Variants in TRAK1 observed in about 807,000 individuals in gnomAD.
TRAK1 encodes the protein trafficking kinesin protein 1.
In TRAK1, 33 loss-of-function variants were observed where a neutral mutation model predicts 92.1. The ratio of observed to expected loss-of-function variants is 0.36; its 90% CI spans 0.27 to 0.48. The LOEUF (loss-of-function observed/expected upper bound fraction) is 0.48, where lower values mean the gene tolerates loss of function less well. Among genes scored for constraint, TRAK1 ranks in the 20% least tolerant of loss-of-function variants. The pLI, the probability that TRAK1 is intolerant of heterozygous loss-of-function variation, is 0.99. For synonymous variants in TRAK1, 521 were observed against 517.3 expected (o/e 1.01, Z -0.10); for missense variants, 1,123 against 1,257.9 (o/e 0.89, Z 1.62).
Position 42,194,912 on chromosome 3 carries a change from C to T in TRAK1, c.1084C>T (p.Arg362Cys), listed in dbSNP as rs776292575. The change falls in exon 10 of 16, where the codon CGC becomes TGC. Residue 362 changes from arginine to cysteine, a missense_variant. Around this residue, in one of 3 missense-constraint regions of TRAK1, gnomAD observed 686 missense variants for 747.6 expected, o/e 0.92. Transcript: ENST00000327628. ...AACCATGCCCAATACCACGTCTCGG[C>T]GCTACCACTCACTGGGCCTGTTTCC... ...NKTMPNTTSRRYHSLGLFPMD... is the reference protein window; with the variant it reads ...NKTMPNTTSRCYHSLGLFPMD... 5.6e-6 allele frequency: 9 copies of T among 1,613,728 alleles called. No individual in the cohort carries two copies. Among genetic ancestry groups the T allele is most frequent in the East Asian group, 2.2e-5 (1 of 44,860 alleles).
chr3:42,190,514 C>A (rs1395205464), intron 6 of TRAK1, among the ~76,000 whole-genome samples: 1 of 152,146 alleles, frequency 6.6e-6, no homozygotes, highest in African/African-American at 2.4e-5. Flanking sequence ...AGGCAACAGC[C>A]CTGTGCTCCC....
rs369716330 is a variant in TRAK1, at chr3:42,184,730, T to C, written c.409T>C (p.Leu137=). ...ELAARIGQSL[L]KKNKTLTERN... is the part of the protein sequence containing the mutation. Reference sequence around the variant, plus strand: ...GGCCGCTCGCATCGGCCAGTCGTTGTTGAAGAAGAACAAGACCCTAACCGA... The same window carrying C: ...GGCCGCTCGCATCGGCCAGTCGTTGCTGAAGAAGAACAAGACCCTAACCGA... The change falls in exon 4 of 16, where the codon TTG becomes CTG. Residue 137 remains leucine, a synonymous_variant. Transcript: ENST00000327628. The C allele has an allele frequency of 6.2e-7, 1 of 1,614,200 alleles. No homozygotes were observed. Among genetic ancestry groups the C allele is most frequent in the South Asian group, 1.1e-5 (1 of 91,082 alleles).
upstream of TRAK1, among the ~76,000 whole-genome samples, chr3:42,090,081 T>G (rs1704926392): frequency 6.6e-6 from 1 of 152,050 alleles, no homozygotes; most frequent in South Asian, 2.1e-4. Flanking sequence ...TTTAGTCTAG[T>G]TGGGGAGACA....
At chr3:42,079,717 G>A (rs181243884) in intron 1 of TRAK1, among the ~76,000 whole-genome samples, 92 of 152,140 alleles carry the variant, frequency 6.0e-4, no homozygotes, top group African/African-American at 2.2e-3. Flanking sequence ...CTGACCTCAG[G>A]TGATCCGCCC....
In TRAK1 at chr3:42,209,838, G is replaced by T; in HGVS notation, c.1816G>T (p.Gly606Cys). The T allele has an allele frequency of 6.2e-7, 1 of 1,614,206 alleles. No individual in the cohort carries two copies. Among genetic ancestry groups the T allele is most frequent in the Non-Finnish European group, 8.5e-7 (1 of 1,180,040 alleles). The change falls in exon 14 of 16, where the codon GGT becomes TGT. Residue 606 changes from glycine (G) to cysteine (C), a missense_variant. This residue lies in a region of TRAK1 where 36 missense variants were observed against 71.3 expected (regional missense o/e 0.50). Transcript: ENST00000327628. ...HLGGILDPRP[G>C]VVTKGFRTLD... Reference sequence around the variant, plus strand: ...TGGGGGCATCCTGGACCCCCGGCCCGGTGTGGTCACCAAGGGCTTCCGGAC... The same window carrying T: ...TGGGGGCATCCTGGACCCCCGGCCCTGTGTGGTCACCAAGGGCTTCCGGAC...
intron 1 of TRAK1, among the ~76,000 whole-genome samples, chr3:42,108,463 C>T (rs368167677): frequency 7.9e-5 from 11 of 139,274 alleles, no homozygotes; most frequent in South Asian, 4.6e-4. Context: ...TGCACTCCAG[C>T]GTGGGTGACA....
chr3:42,098,835 C>T (rs994429371), intron 1 of TRAK1, among the ~76,000 whole-genome samples: 18 of 152,036 alleles, frequency 1.2e-4, no homozygotes, highest in African/African-American at 4.1e-4. Flanking sequence ...TGGTTTCATC[C>T]AGAATTGGGT....
chr3:42,169,031 C>G (rs1702211016), intron 2 of TRAK1, among the ~76,000 whole-genome samples: 1 of 152,140 alleles, frequency 6.6e-6, no homozygotes, highest in Admixed American at 6.6e-5. Flanking sequence ...ACCATGTTGG[C>G]CACGCTGGTC....
chr3:42,069,548 C>T (rs994136582), intron 1 of TRAK1, among the ~76,000 whole-genome samples: 1 of 152,050 alleles, frequency 6.6e-6, no homozygotes, highest in African/African-American at 2.4e-5. Flanking sequence ...TTTTACATGT[C>T]TCACTTTTAT....
chr3:42,024,864 G>A (rs1319775804), intron 1 of TRAK1, among the ~76,000 whole-genome samples: 1 of 152,172 alleles, frequency 6.6e-6, no homozygotes, highest in African/African-American at 2.4e-5. Context: ...GTCAGGATGT[G>A]TTGCCCTGGA....
At chr3:42,052,705 C>T (rs548244149) in intron 1 of TRAK1, among the ~76,000 whole-genome samples, 1 of 152,250 alleles carries the variant, frequency 6.6e-6, no homozygotes, top group South Asian at 2.1e-4. Flanking sequence ...TCCTTCTAAT[C>T]TTTATTCTGT....
Position 42,224,045 on chromosome 3 carries a change from T to C in TRAK1, c.*308T>C. ...ACCTGGGGGAAGGTGGGGTCCTTTC[T>C]TCTTTCCTTTTGAGAAGCACTGAAA... On this transcript the variant is annotated 3_prime_UTR_variant, in exon 16 of 16. Transcript: ENST00000327628. 1 of 542,662 alleles carries C rather than the reference T, an allele frequency of 1.8e-6. No homozygotes were observed. The highest frequency in any genetic ancestry group is 3.5e-6 in the Non-Finnish European group (1 of 283,754). The allele number at this position is 542,662 out of a possible 1,614,324, so 33.6% of individuals were successfully genotyped here.
intron 3 of TRAK1, among the ~76,000 whole-genome samples, chr3:42,178,133 C>T (rs573728075): frequency 4.7e-4 from 71 of 152,294 alleles, no homozygotes; most frequent in African/African-American, 1.6e-3. Flanking sequence ...CTCATCACCC[C>T]GTTCGGGTCA....
At chr3:42,163,500 G>A (rs1043243092) in intron 2 of TRAK1, among the ~76,000 whole-genome samples, 36 of 151,918 alleles carry the variant, frequency 2.4e-4, no homozygotes, top group Admixed American at 1.6e-3. Flanking sequence ...CCTGGGAGGC[G>A]GAGCTTGCAG....
intron 2 of TRAK1, among the ~76,000 whole-genome samples, chr3:42,157,457 C>CAAAAACAA (rs1700674558): frequency 3.2e-5 from 1 of 31,108 alleles, no homozygotes; most frequent in African/African-American, 1.2e-4. Context: ...GACCCTGTCT[C>CAAAAACAA]AAAAAAAAAA....
chr3:42,121,491 C>T (rs998668499), intron 1 of TRAK1, among the ~76,000 whole-genome samples: 10 of 152,044 alleles, frequency 6.6e-5, no homozygotes, highest in African/African-American at 2.2e-4. Context: ...GATCTCCTGA[C>T]CTCGTGATCC....
chr3:42,109,173 TAGG>T (rs368409889), intron 1 of TRAK1, among the ~76,000 whole-genome samples: 2 of 152,316 alleles, frequency 1.3e-5, no homozygotes, highest in East Asian at 1.9e-4. Context: ...TTAGGACTCT[TAGG>T]AGGATTAAAT....
rs1294818575 is a variant in TRAK1 at position 42,171,864 on chromosome 3, A to G, written c.287-4950A>G. Among the ~76,000 whole-genome samples, 9 of 152,112 alleles carry G rather than the reference A, an allele frequency of 5.9e-5. No individual in the cohort carries two copies. The South Asian group carries it at 1.9e-3, about 32-fold the overall frequency. On this transcript the variant is annotated intron_variant, in intron 2 of 15. Transcript: ENST00000327628. ...TCCTGGATGCTGGAAGATGGGTGCCAACATTTATTCTTAAAATTGTTTTGA... is the reference window on the plus strand; with the variant it reads ...TCCTGGATGCTGGAAGATGGGTGCCGACATTTATTCTTAAAATTGTTTTGA...
At chr3:42,109,541 T>C (rs1708050653) in intron 1 of TRAK1, among the ~76,000 whole-genome samples, 1 of 152,226 alleles carries the variant, frequency 6.6e-6, no homozygotes, top group Non-Finnish European at 1.5e-5. Flanking sequence ...GTATAAAGGC[T>C]AGAACTATAA....
Sources: allele counts gnomAD v4.1 joint callset (sites outside exome capture counted in the v4.1 genomes callset), GRCh38; gene constraint gnomAD v4.1.1; regional missense constraint gnomAD v4.1.1; transcripts MANE v1.5; gene names NCBI Gene and HGNC (gene_info 2026-07-23, HGNC 2026-07-21).